CCDC7: variants seen among roughly 807,000 people sequenced by gnomAD.
CCDC7 encodes coiled-coil domain containing 7, also known as coiled-coil domain-containing protein 7.
CCDC7 carries 183 observed loss-of-function variants against 196.9 expected under a neutral mutation model. The ratio of observed to expected loss-of-function variants is 0.93; its 90% confidence interval spans 0.82 to 1.05. The LOEUF (loss-of-function observed/expected upper bound fraction) is 1.05, where lower values mean the gene tolerates loss of function less well. Among genes scored for constraint, CCDC7 ranks in the 50% least tolerant of loss-of-function variants. The probability of loss-of-function intolerance (pLI) is 0.00; values close to 1 mark genes in which losing one functional copy is unlikely to be tolerated. For synonymous variants in CCDC7, 525 were observed against 484.6 expected, an observed-to-expected ratio of 1.08 and a Z score of -1.10; for missense variants, 1,540 against 1,482.2, an observed-to-expected ratio of 1.04 and a Z score of -0.64.
At chr10:32,857,025 C>T (rs2093780354) in intron 41 of CCDC7, among the ~76,000 whole-genome samples, 1 of 152,182 alleles carries the variant, frequency 6.6e-6, no homozygotes, top group Non-Finnish European at 1.5e-5. Flanking sequence ...TAACACAGCA[C>T]TGCTTGGCTG....
chr10:32,480,991 A>G (rs187130377), intron 8 of CCDC7, among the ~76,000 whole-genome samples: 1 of 152,112 alleles, frequency 6.6e-6, no homozygotes, highest in Non-Finnish European at 1.5e-5. Context: ...CTCTCTCTTC[A>G]GATCTATTAA....
chr10:32,769,799 A>G (rs1369610223), intron 28 of CCDC7, among the ~76,000 whole-genome samples: 1 of 152,198 alleles, frequency 6.6e-6, no homozygotes, highest in Non-Finnish European at 1.5e-5. Flanking sequence ...TGTCCCTGCA[A>G]AAGACATGAA....
chr10:32,753,879 A>T (rs1279831627), intron 28 of CCDC7, among the ~76,000 whole-genome samples: 1 of 152,170 alleles, frequency 6.6e-6, no homozygotes, highest in African/African-American at 2.4e-5. Context: ...TTATTTTTTC[A>T]TAAATTTCGT....
In CCDC7 at chr10:32,557,262, A is replaced by G. The variant is rs2370781; in HGVS notation, c.1135-8296A>G. Among the ~76,000 whole-genome samples, 1,172 of 146,020 alleles carry G rather than the reference A, an allele frequency of 8.0e-3. 6 individuals are homozygous for G. The highest frequency in any genetic ancestry group is 0.021 in the Middle Eastern group (6 of 282). On this transcript the variant is annotated intron_variant, in intron 13 of 41. Transcript: ENST00000639629. ...TATAATATGTCATTTTTCTTTGGCC[A>G]CTTTTATTGCTTTTTTTTTTTCCTT...
chr10:32,766,258 A>G (rs2078281431), intron 28 of CCDC7, among the ~76,000 whole-genome samples: 1 of 152,050 alleles, frequency 6.6e-6, no homozygotes, highest in Admixed American at 6.6e-5. Flanking sequence ...CTACCCAAAA[A>G]AACAGGTATA....
At chr10:32,807,874 G>A (rs1016433) in intron 30 of CCDC7, among the ~76,000 whole-genome samples, 52,061 of 151,880 alleles carry the variant, frequency 0.34, 11,330 homozygotes, top group Non-Finnish European at 0.49. Flanking sequence ...GGGACTACAG[G>A]CATGCACCAC....
intron 15 of CCDC7, 100 bp downstream of exon 16, chr10:32,567,991 T>G: frequency 1.7e-6 from 2 of 1,182,794 alleles, no homozygotes; most frequent in Non-Finnish European, 2.2e-6. Context: ...TAAAAATTCA[T>G]GCCTCTGTTT....
intron 8 of CCDC7, among the ~76,000 whole-genome samples, chr10:32,482,018 A>G (rs2040047787): frequency 1.3e-5 from 2 of 151,842 alleles, no homozygotes; most frequent in Admixed American, 6.6e-5. Context: ...GAGACGTTTT[A>G]TCTTTCTGAT....
intron 8 of CCDC7, among the ~76,000 whole-genome samples, 193 bp from the exon 10 acceptor site, chr10:32,491,729 A>C (rs1305022535): frequency 6.6e-6 from 1 of 152,122 alleles, no homozygotes; most frequent in African/African-American, 2.4e-5. Flanking sequence ...TAACATGGTG[A>C]TTTGCACATA....
intron 8 of CCDC7, among the ~76,000 whole-genome samples, chr10:32,480,812 C>T (rs2039831957): frequency 6.6e-6 from 1 of 152,136 alleles, no homozygotes. Context: ...TGAGAAAGCT[C>T]TATATTCTCC....
intron 20 of CCDC7, among the ~76,000 whole-genome samples, chr10:32,647,017 A>G (rs1480754315): frequency 6.6e-6 from 1 of 152,154 alleles, no homozygotes; most frequent in African/African-American, 2.4e-5. Context: ...ATGTCTTGCT[A>G]TTGTGAATAG....
intron 25 of CCDC7, among the ~76,000 whole-genome samples, chr10:32,719,678 AAAAC>A (rs1423752782): frequency 1.3e-5 from 2 of 152,228 alleles, no homozygotes; most frequent in Non-Finnish European, 2.9e-5. Context: ...TTACAAGAAA[AAAAC>A]AAACAACCTA....
intron 41 of CCDC7, among the ~76,000 whole-genome samples, chr10:32,867,263 A>G (rs1261330792): frequency 6.6e-6 from 1 of 151,666 alleles, no homozygotes; most frequent in Non-Finnish European, 1.5e-5. Flanking sequence ...TGTTGTGATG[A>G]TATATTATCA....
At chr10:32,850,598 C>T (rs2093515675) in intron 39 of CCDC7, among the ~76,000 whole-genome samples, 1 of 152,106 alleles carries the variant, frequency 6.6e-6, no homozygotes, top group African/African-American at 2.4e-5. Context: ...TATTCATGGC[C>T]CTCCCACATG....
intron 20 of CCDC7, among the ~76,000 whole-genome samples, chr10:32,641,627 C>T (rs971943838): frequency 3.9e-5 from 6 of 152,110 alleles, no homozygotes; most frequent in South Asian, 2.1e-4. Flanking sequence ...GTAGTTTGAT[C>T]GTCTGAAGCC....
At chr10:32,559,906 A>G (rs2055133585) in intron 13 of CCDC7, among the ~76,000 whole-genome samples, 1 of 152,200 alleles carries the variant, frequency 6.6e-6, no homozygotes, top group Admixed American at 6.5e-5. Context: ...CCAAAGGCAA[A>G]GAAGTTGAAA....
chr10:32,495,511 T>G (rs2042778469), intron 9 of CCDC7, among the ~76,000 whole-genome samples: 1 of 152,246 alleles, frequency 6.6e-6, no homozygotes, highest in African/African-American at 2.4e-5. Context: ...TTCTAGGGTT[T>G]TTATGGTTTT....
chr10:32,533,203 A>G (rs1225520066), intron 11 of CCDC7, among the ~76,000 whole-genome samples: 1 of 151,036 alleles, frequency 6.6e-6, no homozygotes, highest in Admixed American at 6.6e-5. Context: ...TAAAGAGATG[A>G]TAATTTATCT....
chr10:32,694,494 G>C (rs2077460156), intron 23 of CCDC7, among the ~76,000 whole-genome samples: 1 of 152,152 alleles, frequency 6.6e-6, no homozygotes, highest in Non-Finnish European at 1.5e-5. Context: ...ACATATCTCA[G>C]TTTATTCAAC....
Sources: gnomAD v4.1 joint callset for allele counts (sites outside exome capture counted in the v4.1 genomes callset) on GRCh38, gnomAD v4.1.1 for gene constraint, MANE v1.5 for transcripts, NCBI Gene and HGNC (gene_info 2026-07-23, HGNC 2026-07-21) for gene names.